The following RUFY2 variants were observed in gnomAD, a reference collection of about 807,000 sequenced individuals.
RUFY2 encodes the protein RUN and FYVE domain-containing protein 2.
Under a neutral mutation model 94.4 loss-of-function variants are expected in RUFY2, and 49 were observed. The observed-to-expected ratio is 0.52, with a 90% CI of 0.41 to 0.66. The LOEUF (loss-of-function observed/expected upper bound fraction) is 0.66, where lower values mean the gene tolerates loss of function less well. Among genes scored for constraint, RUFY2 ranks in the 30% least tolerant of loss-of-function variants. RUFY2 has a pLI of 0.00. For synonymous variants in RUFY2, 255 were observed against 235.7 expected (o/e 1.08, Z -0.75); for missense variants, 541 against 692.8 (o/e 0.78, Z 2.46).
chr10:68,401,516 G>T (rs562584854), intron 3 of RUFY2, 104 bp downstream of exon 3: 2 of 687,116 alleles, frequency 2.9e-6, no homozygotes, highest in South Asian at 1.8e-5. Context: ...AGAAGAAGGG[G>T]ACTTAAGACT....
At position 68,379,018 on chromosome 10, in the gene RUFY2, A is replaced by T. The variant is rs2048847315; in HGVS notation, c.1205+406T>A. The T allele has an allele frequency of 1.1e-5, 3 of 279,516 alleles. No homozygotes were observed. The East Asian group carries it at 2.5e-4, about 23-fold the overall frequency. 17.3% of individuals were successfully genotyped at this position (279,516 alleles called of 1,614,324 possible). A position where few individuals can be genotyped will look rare whatever the true frequency, so the allele number is the denominator to read the frequency against. On this transcript the variant is annotated intron_variant, in intron 12 of 17. Coordinates refer to ENST00000602465, the MANE Select transcript of RUFY2 (RefSeq NM_001330103.2). ...TCAAAGAAACAAAACTAAACCACCAATTCGGAATGCTTGATTTCAGATAAA... is the reference window on the plus strand; with the variant it reads ...TCAAAGAAACAAAACTAAACCACCATTTCGGAATGCTTGATTTCAGATAAA...
intron 7 of RUFY2, among the ~76,000 whole-genome samples, chr10:68,390,280 TG>T (rs2049876592): frequency 6.6e-6 from 1 of 152,192 alleles, no homozygotes; most frequent in Non-Finnish European, 1.5e-5. Context: ...TTTCCTAAAA[TG>T]GAAAAATGTT....
In RUFY2 at chr10:68,346,160, ATTAT is replaced by A. The variant is rs1434127547; in HGVS notation, c.1600-80_1600-77del. 3 of 1,067,830 alleles carry A rather than the reference ATTAT, an allele frequency of 2.8e-6. No individual in the cohort carries two copies. In the African/African-American group the frequency reaches 4.8e-5, roughly 17 times the overall value. 66.1% of individuals were successfully genotyped at this position (1,067,830 alleles called of 1,614,324 possible). A position where few individuals can be genotyped will look rare whatever the true frequency, so the allele number is the denominator to read the frequency against. ...TGTGAAAACTTTTTCCCCCAAGAAC[ATTAT>A]TTATAGGAATAGATATATGAAGAAT... is the stretch of plus-strand genomic sequence containing the variant. On this transcript the variant is annotated intron_variant, in intron 16 of 17. Transcript: ENST00000602465.
chr10:68,394,507 A>T, intron 4 of RUFY2, 56 bp from the exon 5 acceptor site: 1 of 1,321,850 alleles, frequency 7.6e-7, no homozygotes, highest in Non-Finnish European at 1.1e-6. Context: ...CAAAAACTAA[A>T]ATTTAAAATC....
chr10:68,398,988 C>CTCTT (rs2050610242), intron 3 of RUFY2, among the ~76,000 whole-genome samples: 3 of 151,486 alleles, frequency 2.0e-5, no homozygotes, highest in African/African-American at 7.3e-5. Flanking sequence ...ATCTTTACAC[C>CTCTT]TGATATACCA....
At chr10:68,396,242 G>A (rs1052914450) in intron 4 of RUFY2, among the ~76,000 whole-genome samples, 35 of 151,906 alleles carry the variant, frequency 2.3e-4, no homozygotes, top group Middle Eastern at 3.4e-3. Context: ...CACCTGCCTC[G>A]GCCTCCCACA....
At chr10:68,392,046 C>T (rs1414977926) in intron 7 of RUFY2, among the ~76,000 whole-genome samples, 2 of 148,630 alleles carry the variant, frequency 1.3e-5, no homozygotes, top group Middle Eastern at 3.5e-3. Flanking sequence ...TTTTTTGAGA[C>T]GGAGTTTCAC....
intron 11 of RUFY2, among the ~76,000 whole-genome samples, chr10:68,380,316 G>A (rs1372807944): frequency 6.6e-6 from 1 of 151,734 alleles, no homozygotes. Flanking sequence ...CAGCTCTTTG[G>A]GAGGCCAAGG....
At chr10:68,392,397 A>G (rs2050066139) in intron 7 of RUFY2, among the ~76,000 whole-genome samples, 1 of 152,148 alleles carries the variant, frequency 6.6e-6, no homozygotes, top group South Asian at 2.1e-4. Context: ...AATTCTTCTC[A>G]ACAAGAGTAT....
intron 13 of RUFY2, among the ~76,000 whole-genome samples, chr10:68,376,013 T>C (rs989277484): frequency 1.3e-5 from 2 of 151,034 alleles, no homozygotes; most frequent in African/African-American, 4.9e-5. Flanking sequence ...GACAGGAGAA[T>C]TGCTTGAACC....
intron 12 of RUFY2, chr10:68,378,661 A>C (rs1289723018): frequency 3.1e-6 from 5 of 1,610,730 alleles, no homozygotes; most frequent in African/African-American, 1.3e-5. Flanking sequence ...GAGTTAACAA[A>C]TCGTTGTCAC....
intron 1 of RUFY2, chr10:68,405,629 C>T (rs2051232598): frequency 1.2e-6 from 1 of 831,026 alleles, no homozygotes; most frequent in African/African-American, 1.9e-5. Flanking sequence ...TTCTAGGATT[C>T]CAGTGTCATC....
intron 15 of RUFY2, among the ~76,000 whole-genome samples, chr10:68,355,985 T>C (rs905590874): frequency 6.6e-6 from 1 of 152,028 alleles, no homozygotes; most frequent in Non-Finnish European, 1.5e-5. Flanking sequence ...ATAGCTATCA[T>C]TTATTGTAGG....
chr10:68,348,139 A>G (rs892574841), intron 16 of RUFY2, among the ~76,000 whole-genome samples: 1 of 151,730 alleles, frequency 6.6e-6, no homozygotes, highest in African/African-American at 2.4e-5. Flanking sequence ...TAGATAGTTC[A>G]TATCAGACAA....
chr10:68,355,689 C>T (rs774361812), intron 15 of RUFY2: 31 of 209,238 alleles, frequency 1.5e-4, no homozygotes, highest in Non-Finnish European at 2.8e-4. Flanking sequence ...CCGAGGCCCG[C>T]GGATCACGAG....
intron 13 of RUFY2, among the ~76,000 whole-genome samples, chr10:68,369,543 T>C (rs190320498): frequency 6.6e-6 from 1 of 150,662 alleles, no homozygotes; most frequent in Admixed American, 6.6e-5. Flanking sequence ...TAAGAGGTAA[T>C]TGGCTTATGA....
Position 68,345,997 on chromosome 10 carries a change from T to C in RUFY2, c.1677+10A>G, listed in dbSNP as rs899249835. 1.2e-6 allele frequency: 2 copies of C among 1,612,854 alleles called. No individual in the cohort carries two copies. The highest frequency in any genetic ancestry group is 1.1e-5 in the South Asian group (1 of 90,854). ...TCCAAATTTTTGGACTCACTTCTTA[T>C]CTCCCTTACCTTTCTCTTAGAGAGT... On this transcript the variant is annotated intron_variant, in intron 17 of 17. Coordinates refer to ENST00000602465, the MANE Select transcript of RUFY2 (RefSeq NM_001330103.2).
chr10:68,381,821 G>A (rs947097230), intron 10 of RUFY2, among the ~76,000 whole-genome samples: 3 of 152,126 alleles, frequency 2.0e-5, no homozygotes, highest in Admixed American at 1.3e-4. Flanking sequence ...GCACTCCAGC[G>A]GGGGCAAGAG....
chr10:68,363,540 T>C, intron 15 of RUFY2, 50 bp downstream of exon 15: 1 of 1,245,494 alleles, frequency 8.0e-7, no homozygotes, highest in East Asian at 2.4e-5. Flanking sequence ...CACTTATACC[T>C]TTTATAAAAG....
Sources: allele counts gnomAD v4.1 joint callset (sites outside exome capture counted in the v4.1 genomes callset), GRCh38; gene constraint gnomAD v4.1.1; transcripts MANE v1.5; gene names NCBI Gene and HGNC (gene_info 2026-07-23, HGNC 2026-07-21).